The following ANO1 variants were observed in gnomAD, a reference collection of about 807,000 sequenced individuals.
ANO1 encodes anoctamin-1.
A neutral mutation model predicts 124.0 loss-of-function variants in ANO1; 59 were observed. That is an observed-to-expected ratio of 0.48 (90% confidence interval 0.39 to 0.59). The LOEUF (loss-of-function observed/expected upper bound fraction) is 0.59. Ranked by LOEUF, ANO1 falls within the 20% of genes least tolerant of loss-of-function variation. The probability of loss-of-function intolerance (pLI) is 0.00; values close to 1 mark genes in which losing one functional copy is unlikely to be tolerated. For missense variants in ANO1, 1,059 were observed against 1,328.0 expected, an observed-to-expected ratio of 0.80 and a Z score of 3.15; for synonymous variants, 529 against 532.0, an observed-to-expected ratio of 0.99 and a Z score of 0.08.
At chr11:70,079,751 C>G (rs2044148513) in intron 1 of ANO1, among the ~76,000 whole-genome samples, 1 of 152,232 alleles carries the variant, frequency 6.6e-6, no homozygotes. Context: ...GCCTGTCCCT[C>G]TAGTCTCTGG....
At position 70,038,628 on chromosome 11, in the gene ANO1, T is replaced by C. The variant is rs142714077; in HGVS notation, c.59-39914T>C. 5.4e-3 allele frequency among the ~76,000 whole-genome samples: 818 copies of C among 152,210 alleles called. 7 individuals carry two copies. Among genetic ancestry groups the C allele is most frequent in the African/African-American group, 0.019 (777 of 41,532 alleles). On this transcript the variant is annotated intron_variant, in intron 1 of 27. Transcript: ENST00000531349. ...TGGGACAGTCCTTGGTCCTCTCTTGTGGGGAGGTGCCCTGCCACCCTATTG... is the reference window on the plus strand; with the variant it reads ...TGGGACAGTCCTTGGTCCTCTCTTGCGGGGAGGTGCCCTGCCACCCTATTG...
chr11:70,107,490 C>CGGGT (rs1432604573), intron 5 of ANO1, among the ~76,000 whole-genome samples: 1 of 64,488 alleles, frequency 1.6e-5, no homozygotes, highest in Non-Finnish European at 3.4e-5. Flanking sequence ...CCAGTGGAGG[C>CGGGT]GGCGGGGCGG....
chr11:69,972,184 C>A, the ANO1 span, among the ~76,000 whole-genome samples: 2 of 82,436 alleles, frequency 2.4e-5, no homozygotes, highest in Admixed American at 3.7e-4. Context: ...AAGACTCCGT[C>A]TCAAAAAAAA....
At chr11:70,052,058 T>C (rs1202708863) in intron 1 of ANO1, among the ~76,000 whole-genome samples, 1 of 152,232 alleles carries the variant, frequency 6.6e-6, no homozygotes, top group African/African-American at 2.4e-5. Flanking sequence ...TGACATAAGG[T>C]CAAGGTCCAG....
intron 1 of ANO1, among the ~76,000 whole-genome samples, chr11:69,986,704 A>AG (rs1309021253): frequency 7.2e-5 from 11 of 152,212 alleles, no homozygotes; most frequent in Admixed American, 6.5e-4. Flanking sequence ...GCTAGGCCGG[A>AG]GGGGGAGTCC....
upstream of ANO1, among the ~76,000 whole-genome samples, chr11:70,076,400 G>A (rs546979657): frequency 6.6e-6 from 1 of 152,090 alleles, no homozygotes; most frequent in South Asian, 2.1e-4. Flanking sequence ...GGGAGCACCA[G>A]TGTGTCCAGA....
chr11:70,031,935 C>A (rs1857009029), intron 1 of ANO1, among the ~76,000 whole-genome samples: 1 of 152,186 alleles, frequency 6.6e-6, no homozygotes, highest in South Asian at 2.1e-4. Context: ...GCACCGGTCC[C>A]CTCACTGGCA....
chr11:70,092,240 A>T (rs1030336803), intron 2 of ANO1, among the ~76,000 whole-genome samples: 34 of 152,130 alleles, frequency 2.2e-4, no homozygotes, highest in Non-Finnish European at 4.4e-4. Flanking sequence ...CACCCCTACG[A>T]CTTTATCTTA....
At chr11:70,012,697 ATCCATCCATCCATCCATTAT>A (rs1856622013) in intron 1 of ANO1, among the ~76,000 whole-genome samples, 1 of 151,220 alleles carries the variant, frequency 6.6e-6, no homozygotes, top group Non-Finnish European at 1.5e-5. Flanking sequence ...TCCTTCATCC[ATCCATCCATCCATCCATTAT>A]TCCATCCATC....
intron 7 of ANO1, among the ~76,000 whole-genome samples, chr11:70,114,459 C>T (rs1275821234): frequency 1.3e-5 from 2 of 152,246 alleles, no homozygotes; most frequent in Non-Finnish European, 2.9e-5. Context: ...AGGCTGGCCT[C>T]GGTGGCCATG....
chr11:70,171,544 A>C (rs1236412974), intron 22 of ANO1, among the ~76,000 whole-genome samples: 1 of 152,230 alleles, frequency 6.6e-6, no homozygotes, highest in East Asian at 1.9e-4. Flanking sequence ...CAGTCATTGC[A>C]TGGCTTGCCT....
At chr11:69,996,714 A>G (rs1227160057) in intron 1 of ANO1, among the ~76,000 whole-genome samples, 1 of 152,180 alleles carries the variant, frequency 6.6e-6, no homozygotes, top group Non-Finnish European at 1.5e-5. Flanking sequence ...ACTGGCTCCA[A>G]GTCCAGCATT....
intron 1 of ANO1, among the ~76,000 whole-genome samples, chr11:70,028,939 G>C (rs1208975144): frequency 6.6e-6 from 1 of 152,028 alleles, no homozygotes; most frequent in African/African-American, 2.4e-5. Context: ...CCACCATCAC[G>C]CCTGGCTAAT....
intron 1 of ANO1, among the ~76,000 whole-genome samples, chr11:70,057,208 G>A (rs1305433080): frequency 2.0e-5 from 3 of 152,136 alleles, no homozygotes; most frequent in African/African-American, 7.2e-5. Context: ...TGGATATCAC[G>A]TGTGGACAAT....
intron 11 of ANO1, 57 bp from the exon 12 acceptor site, chr11:70,149,653 A>AC: frequency 6.6e-7 from 1 of 1,520,642 alleles, no homozygotes; most frequent in Non-Finnish European, 8.9e-7. Flanking sequence ...TCTGTCTAAA[A>AC]AAAAAAAAAA....
chr11:70,068,050 A>AG (rs1857777273), intron 1 of ANO1, among the ~76,000 whole-genome samples: 1 of 152,108 alleles, frequency 6.6e-6, no homozygotes, highest in South Asian at 2.1e-4. Flanking sequence ...CTGCCAGAAA[A>AG]ACCCAGCCCA....
At chr11:70,010,930 G>T (rs1168803924) in intron 1 of ANO1, among the ~76,000 whole-genome samples, 1 of 152,234 alleles carries the variant, frequency 6.6e-6, no homozygotes, top group African/African-American at 2.4e-5. Flanking sequence ...AACCATGTGT[G>T]CTCCCTGGGG....
chr11:69,973,658 G>T, the ANO1 span, among the ~76,000 whole-genome samples: 1 of 152,100 alleles, frequency 6.6e-6, no homozygotes, highest in Non-Finnish European at 1.5e-5. Flanking sequence ...TGGATCACAA[G>T]GTCAGGAGTT....
rs537140297 is a variant in ANO1, at chr11:70,150,862, A to T, written c.1341+1070A>T. ...TAAAGGCCTTTTTTCTTTAAAAAAAATTTTTTTTAACTTTTCTATTGTCTT... is the reference window on the plus strand; with the variant it reads ...TAAAGGCCTTTTTTCTTTAAAAAAATTTTTTTTTAACTTTTCTATTGTCTT... On this transcript the variant is annotated intron_variant, in intron 12 of 25. Coordinates refer to ENST00000355303, the MANE Select transcript of ANO1 (RefSeq NM_018043.7). 1.1e-3 allele frequency among the ~76,000 whole-genome samples: 165 copies of T among 152,182 alleles called. 1 individual carries two copies. Among genetic ancestry groups the T allele is most frequent in the African/African-American group, 3.4e-3 (143 of 41,530 alleles).
Sources: gnomAD v4.1 joint callset for allele counts (sites outside exome capture counted in the v4.1 genomes callset) on GRCh38, gnomAD v4.1.1 for gene constraint, MANE v1.5 for transcripts, NCBI Gene and HGNC (gene_info 2026-07-23, HGNC 2026-07-21) for gene names.